The following JAM3 variants were observed in gnomAD, a reference collection of about 807,000 sequenced individuals.
JAM3 encodes the protein junctional adhesion molecule 3, also known as junctional adhesion molecule C.
JAM3 carries 31 observed loss-of-function variants against 39.4 expected under a neutral mutation model. The ratio of observed to expected loss-of-function variants is 0.79; its 90% CI spans 0.59 to 1.06. JAM3 has a LOEUF of 1.06. Among genes scored for constraint, JAM3 ranks in the 50% least tolerant of loss-of-function variants. The probability of loss-of-function intolerance (pLI) is 0.00; values close to 1 mark genes in which losing one functional copy is unlikely to be tolerated. For synonymous variants in JAM3, 182 were observed against 148.7 expected (o/e 1.22, Z -1.63); for missense variants, 455 against 391.4 (o/e 1.16, Z -1.37).
intron 1 of JAM3, chr11:134,123,795 A>G (rs470830): frequency 0.047 from 33,992 of 730,862 alleles, 2,571 homozygotes; most frequent in East Asian, 0.28. Context: ...AAATGCCACA[A>G]TCAAGTGAGC....
intron 4 of JAM3, 55 bp from the exon 5 acceptor site, chr11:134,144,737 A>G (rs2120873194): frequency 2.0e-6 from 3 of 1,466,326 alleles, no homozygotes; most frequent in Non-Finnish European, 1.9e-6. Flanking sequence ...CTGGGCTTTA[A>G]TAAGAATAGA....
rs762709121 is a variant in JAM3, at chr11:134,144,343, G to A, written c.359G>A (p.Arg120Gln). 6.8e-6 allele frequency: 11 copies of A among 1,614,082 alleles called. No individual in the cohort carries two copies. The highest frequency in any genetic ancestry group is 2.2e-5 in the South Asian group (2 of 91,086). ...SALYRCEVVA[R>Q]NDRKEIDEIV... ...CTTTATCGCTGTGAGGTCGTTGCTC[G>A]AAATGACCGCAAGGAAATTGATGAG... is the stretch of plus-strand genomic sequence containing the variant. The change falls in exon 4 of 9, where the codon CGA becomes CAA. Residue 120 changes from arginine to glutamine, a missense_variant. Arg to Gln is a conservative substitution (Grantham distance 43). Transcript: ENST00000299106.
intron 1 of JAM3, among the ~76,000 whole-genome samples, chr11:134,105,057 G>A (rs1407637923): frequency 6.6e-5 from 10 of 152,062 alleles, no homozygotes; most frequent in Non-Finnish European, 1.5e-4. Context: ...CAAAAAAAGA[G>A]AATTTTAGAC....
At chr11:134,146,997 A>G (rs1051552151) in intron 6 of JAM3, among the ~76,000 whole-genome samples, 3 of 152,212 alleles carry the variant, frequency 2.0e-5, no homozygotes, top group African/African-American at 7.2e-5. Context: ...CCTCAGACAT[A>G]TGCTAGAAAT....
At chr11:134,085,073 G>A (rs1217497582) in intron 1 of JAM3, among the ~76,000 whole-genome samples, 2 of 152,182 alleles carry the variant, frequency 1.3e-5, no homozygotes, top group Non-Finnish European at 2.9e-5. Context: ...ACCTAGGTTT[G>A]TAACACGAAT....
At chr11:134,116,971 T>C (rs750305850) in intron 1 of JAM3, among the ~76,000 whole-genome samples, 6 of 152,180 alleles carry the variant, frequency 3.9e-5, no homozygotes, top group Admixed American at 2.0e-4. Context: ...GTTATTTGTT[T>C]AACCAAGACA....
rs1943232032 is a variant in JAM3, at chr11:134,151,447, T to C, written c.*2266T>C. 1 of 152,186 alleles carries C rather than the reference T, an allele frequency of 6.6e-6. No individual in the cohort carries two copies. The highest frequency in any genetic ancestry group is 2.1e-4 in the South Asian group (1 of 4,830). 9.4% of individuals were successfully genotyped at this position (152,186 alleles called of 1,614,324 possible). ...CTTCTTGGTTGTCATAGTGATAGGG[T>C]AGCCTTATTGCCCCCTCTTCTTATA... On this transcript the variant is annotated 3_prime_UTR_variant, in exon 9 of 9. Coordinates refer to ENST00000299106, the MANE Select transcript of JAM3 (RefSeq NM_032801.5).
intron 1 of JAM3, among the ~76,000 whole-genome samples, chr11:134,100,019 C>T (rs139520186): frequency 5.3e-3 from 800 of 152,308 alleles, no homozygotes; most frequent in Non-Finnish European, 9.3e-3. Context: ...TAAGTCACTT[C>T]TGACTTTAAT....
At chr11:134,118,550 CTCTT>C (rs1171198461) in intron 1 of JAM3, among the ~76,000 whole-genome samples, 4 of 152,078 alleles carry the variant, frequency 2.6e-5, no homozygotes, top group African/African-American at 9.7e-5. Flanking sequence ...TCTCTGTCCT[CTCTT>C]TGTCTCTGGC....
intron 1 of JAM3, among the ~76,000 whole-genome samples, chr11:134,107,407 A>C (rs1240220164): frequency 6.6e-6 from 1 of 152,110 alleles, no homozygotes; most frequent in Non-Finnish European, 1.5e-5. Flanking sequence ...GGTGCAGCAC[A>C]CCAACATGGC....
intron 1 of JAM3, among the ~76,000 whole-genome samples, chr11:134,101,673 T>C (rs1942075403): frequency 6.6e-6 from 1 of 152,252 alleles, no homozygotes; most frequent in African/African-American, 2.4e-5. Context: ...TATTGCCTTT[T>C]ATCATCTTAA....
chr11:134,141,738 G>A (rs1942975708), intron 3 of JAM3, among the ~76,000 whole-genome samples: 1 of 152,140 alleles, frequency 6.6e-6, no homozygotes, highest in African/African-American at 2.4e-5. Flanking sequence ...GGGGAGGCCT[G>A]CTGGGGCTTG....
chr11:134,096,463 A>G (rs1297428784), intron 1 of JAM3, among the ~76,000 whole-genome samples: 2 of 152,090 alleles, frequency 1.3e-5, no homozygotes, highest in African/African-American at 2.4e-5. Flanking sequence ...TCTTTCTTTC[A>G]CTTTATCGTA....
intron 1 of JAM3, among the ~76,000 whole-genome samples, chr11:134,091,122 G>C (rs1289883168): frequency 6.6e-6 from 1 of 152,104 alleles, no homozygotes. Flanking sequence ...CTGTGGATTG[G>C]CTTAGAACTG....
At chr11:134,126,792 C>T (rs958880629) in intron 1 of JAM3, among the ~76,000 whole-genome samples, 3 of 152,198 alleles carry the variant, frequency 2.0e-5, no homozygotes, top group Non-Finnish European at 2.9e-5. Context: ...TGTCTTCTGT[C>T]TAAACTCTGA....
intron 3 of JAM3, among the ~76,000 whole-genome samples, chr11:134,142,651 C>T (rs1942997679): frequency 6.6e-6 from 1 of 152,134 alleles, no homozygotes; most frequent in Admixed American, 6.5e-5. Flanking sequence ...CGTACCGCAT[C>T]CTTTTAAAGT....
intron 1 of JAM3, among the ~76,000 whole-genome samples, chr11:134,104,682 G>A (rs1143812): frequency 0.21 from 31,506 of 151,990 alleles, 3,491 homozygotes; most frequent in East Asian, 0.4. Flanking sequence ...TATCGCCACC[G>A]ATCCTACAGA....
intron 3 of JAM3, 50 bp from the exon 4 acceptor site, chr11:134,144,191 G>T (rs1943027198): frequency 6.2e-7 from 1 of 1,608,924 alleles, no homozygotes; most frequent in East Asian, 2.2e-5. Flanking sequence ...TCTTCAAGTG[G>T]CAAAGATTTC....
intron 1 of JAM3, among the ~76,000 whole-genome samples, chr11:134,125,116 C>G (rs544725417): frequency 1.3e-5 from 2 of 152,310 alleles, no homozygotes; most frequent in South Asian, 4.1e-4. Flanking sequence ...GCACGGCCGC[C>G]GCCACTGCTG....
Sources: allele counts gnomAD v4.1 joint callset (sites outside exome capture counted in the v4.1 genomes callset), GRCh38; gene constraint gnomAD v4.1.1; transcripts MANE v1.5; gene names NCBI Gene and HGNC (gene_info 2026-07-23, HGNC 2026-07-21).